The following FARP2 variants were observed in gnomAD, a reference collection of about 807,000 sequenced individuals.
The protein encoded by FARP2 is FERM, ARH/RhoGEF and pleckstrin domain protein 2.
In FARP2, 111 loss-of-function variants were observed where a neutral mutation model predicts 130.5. That is an observed-to-expected ratio of 0.85 (90% confidence interval 0.73 to 1.00). The LOEUF (loss-of-function observed/expected upper bound fraction) is 1.00, where lower values mean the gene tolerates loss of function less well. FARP2 is among the 50% of genes least tolerant of loss of function. The pLI is 0.00. For missense variants in FARP2, 1,385 were observed against 1,346.3 expected (o/e 1.03, Z -0.45); for synonymous variants, 504 against 516.9 (o/e 0.98, Z 0.34).
intron 7 of FARP2, among the ~76,000 whole-genome samples, chr2:241,416,253 C>T (rs542158392): frequency 3.3e-5 from 5 of 152,002 alleles, no homozygotes; most frequent in East Asian, 1.9e-4. Flanking sequence ...CACATGTATC[C>T]GCTAAAAACC....
In FARP2 at chr2:241,468,170, G is replaced by A. The variant is rs774506053; in HGVS notation, c.1924G>A (p.Glu642Lys). 9.9e-6 allele frequency: 16 copies of A among 1,613,816 alleles called. No homozygotes were observed. Among genetic ancestry groups the A allele is most frequent in the South Asian group, 2.2e-5 (2 of 91,084 alleles). The stretch of plus-strand genomic sequence containing the variant: ...TACCAGCTACTTCCAAAGACATGAC[G>A]AGGTCCTAACAGAACTGGAAAAGGC... ...EFTSYFQRHD[E>K]VLTELEKATK... is the part of the protein sequence containing the mutation. Residue 642 changes from glutamate to lysine, a missense_variant, in exon 18 of 27, where the codon GAG becomes AAG. Glu to Lys is a moderately conservative substitution (Grantham distance 56). Transcript: ENST00000264042.
chr2:241,484,241 G>A lies in FARP2; in HGVS notation c.2332-1G>A, dbSNP rs769237040. 19 of 1,613,966 alleles carry A rather than the reference G, an allele frequency of 1.2e-5. No individual in the cohort carries two copies. Among genetic ancestry groups the A allele is most frequent in the Non-Finnish European group, 1.5e-5 (18 of 1,179,950 alleles). On this transcript the variant is annotated splice_acceptor_variant, in intron 20 of 26. Coordinates refer to ENST00000264042, the MANE Select transcript of FARP2 (RefSeq NM_014808.4). LOFTEE classifies it high-confidence loss of function. ...TGGATGTAAAGCTTGCTGCTTCTCA[G>A]TTCTCAGATATGTTGCTGTACACAA... is the stretch of plus-strand genomic sequence containing the variant.
rs41342147 is a variant in FARP2, at chr2:241,468,173, G to T, written c.1927G>T (p.Val643Phe). The T allele has an allele frequency of 1.2e-6, 2 of 1,613,826 alleles. No homozygotes were observed. Among genetic ancestry groups the T allele is most frequent in the Non-Finnish European group, 1.7e-6 (2 of 1,179,828 alleles). Residue 643 changes from valine to phenylalanine, a missense_variant, in exon 18 of 27, where the codon GTC (valine) becomes TTC (phenylalanine). Val to Phe is a conservative substitution (Grantham distance 50). Coordinates refer to ENST00000264042, the MANE Select transcript of FARP2 (RefSeq NM_014808.4). ...FTSYFQRHDE[V>F]LTELEKATKR... The stretch of plus-strand genomic sequence containing the variant: ...CAGCTACTTCCAAAGACATGACGAG[G>T]TCCTAACAGAACTGGAAAAGGCTAC...
chr2:241,427,664 G>A (rs1017301790), intron 8 of FARP2, among the ~76,000 whole-genome samples: 1 of 152,168 alleles, frequency 6.6e-6, no homozygotes, highest in African/African-American at 2.4e-5. Context: ...TTGACCAGAA[G>A]GGATTGAACA....
At chr2:241,470,358 T>C (rs1043413609) in intron 18 of FARP2, among the ~76,000 whole-genome samples, 3 of 151,952 alleles carry the variant, frequency 2.0e-5, no homozygotes, top group African/African-American at 7.3e-5. Flanking sequence ...AGGGGGACCC[T>C]TTTCTGAGGG....
At chr2:241,418,329 T>C (rs776987258) in intron 8 of FARP2, among the ~76,000 whole-genome samples, 1 of 152,170 alleles carries the variant, frequency 6.6e-6, no homozygotes, top group African/African-American at 2.4e-5. Flanking sequence ...CTCCATGTCA[T>C]GGAGCCCACT....
intron 8 of FARP2, among the ~76,000 whole-genome samples, chr2:241,419,007 G>A (rs1258552984): frequency 6.6e-6 from 1 of 152,174 alleles, no homozygotes; most frequent in Non-Finnish European, 1.5e-5. Flanking sequence ...CACTATTGCA[G>A]TCTGGGAGCC....
At chr2:241,455,533 G>A (rs1032395073) in intron 13 of FARP2, among the ~76,000 whole-genome samples, 20 of 149,678 alleles carry the variant, frequency 1.3e-4, no homozygotes, top group African/African-American at 4.4e-4. Flanking sequence ...GGCACCCGCC[G>A]CCATGCCCGG....
intron 1 of FARP2, among the ~76,000 whole-genome samples, chr2:241,357,760 T>G (rs1253570072): frequency 6.6e-6 from 1 of 152,202 alleles, no homozygotes; most frequent in Non-Finnish European, 1.5e-5. Flanking sequence ...CTGCAGACGT[T>G]TGCTGGCTTA....
chr2:241,420,530 C>T (rs1016016362), intron 8 of FARP2, among the ~76,000 whole-genome samples: 1 of 152,112 alleles, frequency 6.6e-6, no homozygotes, highest in African/African-American at 2.4e-5. Context: ...TTTCACAAAA[C>T]CTTCACAGGA....
intron 5 of FARP2, 37 bp from the exon 6 acceptor site, chr2:241,410,996 G>T: frequency 2.2e-6 from 3 of 1,335,704 alleles, no homozygotes; most frequent in Non-Finnish European, 2.1e-6. Context: ...GAGAACATTT[G>T]GAATTGATCT....
chr2:241,453,768 GGTTTTT>G (rs1279808961), intron 13 of FARP2, among the ~76,000 whole-genome samples: 7,578 of 99,706 alleles, frequency 0.076, 1,401 homozygotes, highest in Admixed American at 0.097. Flanking sequence ...GGCACTTACT[GGTTTTT>G]TTTTTTTTTT....
At chr2:241,403,278 G>A (rs563906626) in intron 2 of FARP2, among the ~76,000 whole-genome samples, 222 of 151,944 alleles carry the variant, frequency 1.5e-3, no homozygotes, top group Admixed American at 2.8e-3. Context: ...GCAGTGGCAC[G>A]ATCATGGCTC....
chr2:241,378,357 TC>T (rs1171422162), intron 2 of FARP2, among the ~76,000 whole-genome samples: 1 of 145,412 alleles, frequency 6.9e-6, no homozygotes. Flanking sequence ...GTGATCCGCC[TC>T]CCCCCCTCGG....
chr2:241,369,145 A>G (rs2061374249), intron 1 of FARP2, among the ~76,000 whole-genome samples: 1 of 152,134 alleles, frequency 6.6e-6, no homozygotes, highest in South Asian at 2.1e-4. Flanking sequence ...GCAAACGTGT[A>G]AAGATTTCCT....
intron 2 of FARP2, among the ~76,000 whole-genome samples, 184 bp from the exon 3 acceptor site, chr2:241,403,644 G>A (rs1241886966): frequency 6.6e-6 from 1 of 151,912 alleles, no homozygotes; most frequent in African/African-American, 2.4e-5. Context: ...TATTTATTTT[G>A]TTGCCAGTTT....
chr2:241,441,314 T>A lies in FARP2; in HGVS notation c.1169T>A (p.Phe390Tyr), dbSNP rs765150852. ...AACTTTGGTTCCCAGAGCATCTCAT[T>A]CCCCGAGGGATTGAGGACTCCTGCC... Reference protein sequence around the residue: ...TADLPKQSISFPEGLRTPASP... With the variant: ...TADLPKQSISYPEGLRTPASP... Residue 390 changes from phenylalanine (F) to tyrosine (Y), a missense_variant, in exon 13 of 27, where the codon TTC (phenylalanine) becomes TAC (tyrosine). By Grantham distance (22) the Phe-to-Tyr change is conservative. Coordinates refer to ENST00000264042, the MANE Select transcript of FARP2 (RefSeq NM_014808.4). 4.4e-6 allele frequency: 7 copies of A among 1,588,934 alleles called. No individual in the cohort carries two copies. Among genetic ancestry groups the A allele is most frequent in the Non-Finnish European group, 5.1e-6 (6 of 1,165,164 alleles).
intron 8 of FARP2, among the ~76,000 whole-genome samples, chr2:241,424,474 A>G (rs1640120724): frequency 6.6e-6 from 1 of 152,236 alleles, no homozygotes. Flanking sequence ...TAAGAGGGAA[A>G]TTTATAGTAC....
intron 19 of FARP2, among the ~76,000 whole-genome samples, chr2:241,476,256 G>A (rs1049636843): frequency 3.5e-4 from 53 of 149,508 alleles, no homozygotes; most frequent in African/African-American, 5.4e-4. Flanking sequence ...GTGTGGTGGC[G>A]CACACCTGTG....
Sources: allele counts gnomAD v4.1 joint callset (sites outside exome capture counted in the v4.1 genomes callset), GRCh38; gene constraint gnomAD v4.1.1; transcripts MANE v1.5; gene names NCBI Gene and HGNC (gene_info 2026-07-23, HGNC 2026-07-21).